ARFGEF2: variants seen among roughly 807,000 people sequenced by gnomAD.
ARFGEF2 encodes brefeldin A-inhibited guanine nucleotide-exchange protein 2.
A neutral mutation model predicts 219.9 loss-of-function variants in ARFGEF2; 74 were observed. The observed-to-expected ratio is 0.34, with a 90% CI of 0.28 to 0.41. The LOEUF is 0.41. Among genes scored for constraint, ARFGEF2 ranks in the 10% least tolerant of loss-of-function variants. The pLI, the probability that ARFGEF2 is intolerant of heterozygous loss-of-function variation, is 1.00. For missense variants in ARFGEF2, 1,743 were observed against 2,218.3 expected (o/e 0.79, Z 4.30); for synonymous variants, 733 against 799.2 (o/e 0.92, Z 1.40).
chr20:48,928,399 C>T (rs1262248035), intron 1 of ARFGEF2, among the ~76,000 whole-genome samples: 4 of 146,374 alleles, frequency 2.7e-5, no homozygotes, highest in Non-Finnish European at 4.5e-5. Context: ...GGGGTTTCAC[C>T]GTGTTAGCCA....
intron 20 of ARFGEF2, among the ~76,000 whole-genome samples, 168 bp from the exon 21 acceptor site, chr20:48,990,872 A>G (rs1455971901): frequency 6.6e-6 from 1 of 152,232 alleles, no homozygotes; most frequent in Non-Finnish European, 1.5e-5. Flanking sequence ...AAGATGTTCC[A>G]AAAGCAAGAG....
chr20:49,014,081 GGT>G (rs2091516830), intron 30 of ARFGEF2, 121 bp downstream of exon 30: 2 of 1,366,932 alleles, frequency 1.5e-6, no homozygotes, highest in African/African-American at 1.4e-5. Flanking sequence ...AGCAACTTAA[GGT>G]TTTAAAAATG....
chr20:48,999,187 G>C (rs1183680407), intron 25 of ARFGEF2: 1 of 419,990 alleles, frequency 2.4e-6, no homozygotes, highest in Non-Finnish European at 4.7e-6. Context: ...GCAGTGAGTC[G>C]AGATCGCACC....
At chr20:48,965,147 A>T (rs2091179761) in intron 7 of ARFGEF2, among the ~76,000 whole-genome samples, 1 of 152,210 alleles carries the variant, frequency 6.6e-6, no homozygotes, top group African/African-American at 2.4e-5. Context: ...TGGGATCTAT[A>T]CAAGAAGTCA....
chr20:49,028,512 T>C lies in ARFGEF2; in HGVS notation c.4925-18T>C. ...ATCTTAGAAATGTGCACTAATTATA[T>C]GACTGTCTGATCTCTAGGTTTTAAG... On this transcript the variant is annotated intron_variant, in intron 36 of 38. Coordinates refer to ENST00000371917, the MANE Select transcript of ARFGEF2 (RefSeq NM_006420.3). The C allele has an allele frequency of 1.9e-6, 3 of 1,613,180 alleles. No individual in the cohort carries two copies. The highest frequency in any genetic ancestry group is 2.5e-6 in the Non-Finnish European group (3 of 1,179,108).
chr20:48,994,377 C>G (rs1003081693), intron 21 of ARFGEF2, 74 bp from the exon 22 acceptor site: 4 of 1,590,742 alleles, frequency 2.5e-6, no homozygotes, highest in Non-Finnish European at 3.4e-6. Context: ...TTTTTAATGA[C>G]TAACTTAAGA....
chr20:49,010,161 G>A (rs2123515545), intron 26 of ARFGEF2, 71 bp from the exon 27 acceptor site: 1 of 1,549,062 alleles, frequency 6.5e-7, no homozygotes, highest in Non-Finnish European at 8.8e-7. Context: ...GCTTCTAAGG[G>A]ATGAGCTATG....
At chr20:48,958,255 A>G (rs2091117087) in intron 6 of ARFGEF2, among the ~76,000 whole-genome samples, 1 of 152,180 alleles carries the variant, frequency 6.6e-6, no homozygotes, top group African/African-American at 2.4e-5. Flanking sequence ...CTTTATGTGT[A>G]TCATTCTCAC....
chr20:49,020,059 C>T (rs893727204), intron 34 of ARFGEF2, among the ~76,000 whole-genome samples: 17 of 152,140 alleles, frequency 1.1e-4, no homozygotes, highest in African/African-American at 1.2e-4. Flanking sequence ...TACTGTCTTA[C>T]GTTTGAGGGA....
chr20:48,965,881 A>C lies in ARFGEF2; in HGVS notation c.917A>C (p.Glu306Ala). Residue 306 changes from glutamate to alanine, a missense_variant, in exon 8 of 39, where the codon GAA (glutamate) becomes GCA (alanine). Glu to Ala is a moderately radical substitution (Grantham distance 107, BLOSUM62 -1). Transcript: ENST00000371917. ...VVTSAIKEAA[E>A]KHGLTEPERV... ...GTACTTGTGTTTTAAGAAGCAGCGG[A>C]AAAGCATGGTCTGACAGAACCTGAG... The C allele has an allele frequency of 6.2e-7, 1 of 1,614,206 alleles. No individual in the cohort carries two copies. The highest frequency in any genetic ancestry group is 8.5e-7 in the Non-Finnish European group (1 of 1,180,022).
intron 3 of ARFGEF2, among the ~76,000 whole-genome samples, chr20:48,948,991 AC>A (rs2091048427): frequency 6.6e-6 from 1 of 152,116 alleles, no homozygotes; most frequent in South Asian, 2.1e-4. Flanking sequence ...AAAAATAATT[AC>A]GTTTGTCTTA....
chr20:48,973,029 G>A, intron 11 of ARFGEF2, 116 bp from the exon 12 acceptor site: 4 of 1,160,872 alleles, frequency 3.4e-6, no homozygotes, highest in Non-Finnish European at 5.1e-6. Flanking sequence ...TGAGTGAGAT[G>A]TGGCCACCGG....
At chr20:48,984,939 G>T in intron 15 of ARFGEF2, 99 bp downstream of exon 15, 2 of 1,591,608 alleles carry the variant, frequency 1.3e-6, no homozygotes, top group Non-Finnish European at 1.7e-6. Flanking sequence ...TAAGTACATT[G>T]TCTGTTGTCC....
intron 27 of ARFGEF2, 133 bp from the exon 28 acceptor site, chr20:49,011,791 A>G (rs929032748): frequency 1.8e-6 from 2 of 1,101,500 alleles, no homozygotes; most frequent in South Asian, 2.5e-5. Context: ...AGATACTGAC[A>G]TGCTTTTCTT....
chr20:48,924,003 A>G (rs2090860277), intron 1 of ARFGEF2, among the ~76,000 whole-genome samples: 1 of 152,242 alleles, frequency 6.6e-6, no homozygotes, highest in African/African-American at 2.4e-5. Context: ...TGAATCACAA[A>G]TTGGGGTTGT....
At chr20:48,994,765 T>C (rs2123473426) in intron 22 of ARFGEF2, among the ~76,000 whole-genome samples, 167 bp downstream of exon 22, 1 of 152,330 alleles carries the variant, frequency 6.6e-6, no homozygotes, top group South Asian at 2.1e-4. Context: ...TTAATTGTGA[T>C]TAAACTGTTG....
chr20:48,939,507 C>G (rs1174947133), intron 1 of ARFGEF2, among the ~76,000 whole-genome samples: 1 of 152,062 alleles, frequency 6.6e-6, no homozygotes, highest in Admixed American at 6.6e-5. Context: ...TTTCTAAAAG[C>G]TGATAGCTTG....
At chr20:49,028,973 T>G (rs1041470598) in intron 37 of ARFGEF2, among the ~76,000 whole-genome samples, 2 of 152,242 alleles carry the variant, frequency 1.3e-5, no homozygotes, top group African/African-American at 4.8e-5. Context: ...AAGTCCTGAC[T>G]GTGGCTAGAG....
intron 6 of ARFGEF2, among the ~76,000 whole-genome samples, chr20:48,959,034 TTG>T (rs1302166235): frequency 6.6e-6 from 1 of 152,210 alleles, no homozygotes. Context: ...ATTCTGGTTT[TTG>T]TGAGTAGTCT....
Sources: allele counts gnomAD v4.1 joint callset (sites outside exome capture counted in the v4.1 genomes callset), GRCh38; gene constraint gnomAD v4.1.1; transcripts MANE v1.5; gene names NCBI Gene and HGNC (gene_info 2026-07-23, HGNC 2026-07-21).